Variants in WWOX observed in about 807,000 individuals in gnomAD.
WWOX encodes the protein WW domain-containing oxidoreductase.
Under a neutral mutation model 46.2 loss-of-function variants are expected in WWOX, and 69 were observed. The observed-to-expected ratio is 1.49, with a 90% CI of 1.23 to 1.82. WWOX has a LOEUF of 1.82. Among genes scored for constraint, WWOX ranks in the 40% most tolerant of loss-of-function variants. The pLI is 0.00. For missense variants in WWOX, 919 were observed against 542.6 expected, an observed-to-expected ratio of 1.69 and a Z score of -6.89; for synonymous variants, 359 against 202.6, an observed-to-expected ratio of 1.77 and a Z score of -6.56.
rs983084163 is a variant in WWOX at position 78,914,784 on chromosome 16, C to T, written c.1057-296824C>T. 1.0e-4 allele frequency among the ~76,000 whole-genome samples: 15 copies of T among 148,778 alleles called. No homozygotes were observed. In the East Asian group the frequency reaches 1.8e-3, roughly 18 times the overall value. On this transcript the variant is annotated intron_variant, in intron 8 of 8. Transcript: ENST00000566780. ...GTCCCAGCTACTCTGGAGGCTGAGG[C>T]AGGAGAATGGCGTGAACCCAGGAGG... is the stretch of plus-strand genomic sequence containing the variant.
At chr16:78,480,978 T>C (rs1555547150) in intron 8 of WWOX, among the ~76,000 whole-genome samples, 1 of 152,230 alleles carries the variant, frequency 6.6e-6, no homozygotes, top group Non-Finnish European at 1.5e-5. Flanking sequence ...GCAGGATTGG[T>C]ACTTCACCTA....
chr16:78,754,643 C>T (rs2049590155), intron 8 of WWOX, among the ~76,000 whole-genome samples: 1 of 152,126 alleles, frequency 6.6e-6, no homozygotes, highest in Non-Finnish European at 1.5e-5. Flanking sequence ...GGAAACTGGG[C>T]ATTTTAATTA....
chr16:78,755,406 T>G (rs549089279), intron 8 of WWOX, among the ~76,000 whole-genome samples: 2 of 152,144 alleles, frequency 1.3e-5, no homozygotes, highest in African/African-American at 4.8e-5. Context: ...GCTATTCCCC[T>G]GGACCATGAT....
chr16:78,967,393 C>A (rs1350523882), intron 8 of WWOX, among the ~76,000 whole-genome samples: 1 of 149,960 alleles, frequency 6.7e-6, no homozygotes, highest in African/African-American at 2.5e-5. Context: ...AAGCTTTCCA[C>A]CCACCTCAGC....
intron 8 of WWOX, among the ~76,000 whole-genome samples, chr16:78,657,082 A>G (rs1281823263): frequency 1.3e-5 from 2 of 152,112 alleles, no homozygotes; most frequent in African/African-American, 2.4e-5. Flanking sequence ...TGGTGCCATC[A>G]TTCATGCAAT....
At chr16:78,985,809 C>T (rs2046773657) in intron 8 of WWOX, among the ~76,000 whole-genome samples, 2 of 152,200 alleles carry the variant, frequency 1.3e-5, no homozygotes, top group African/African-American at 4.8e-5. Context: ...TTACCTGGAT[C>T]CTCACATTGC....
chr16:78,423,387 A>G (rs1033864471), intron 6 of WWOX, among the ~76,000 whole-genome samples: 3 of 152,258 alleles, frequency 2.0e-5, no homozygotes, highest in East Asian at 1.9e-4. Flanking sequence ...TAATTCCTCA[A>G]TGGTATATTT....
chr16:78,979,737 G>A (rs2046644790), intron 8 of WWOX, among the ~76,000 whole-genome samples: 1 of 152,306 alleles, frequency 6.6e-6, no homozygotes, highest in Admixed American at 6.5e-5. Context: ...AAGGTCCCCA[G>A]TGGTCCAGGT....
At chr16:78,452,661 A>C (rs62034098) in intron 8 of WWOX, among the ~76,000 whole-genome samples, 125 of 151,572 alleles carry the variant, frequency 8.2e-4, no homozygotes, top group Non-Finnish European at 1.4e-3. Flanking sequence ...TTTTTAATAG[A>C]GACTAGGTTT....
chr16:79,192,187 G>A (rs1182823464), intron 8 of WWOX, among the ~76,000 whole-genome samples: 1 of 152,214 alleles, frequency 6.6e-6, no homozygotes, highest in African/African-American at 2.4e-5. Flanking sequence ...CTCTAATAGG[G>A]AATGTGTGTA....
intron 5 of WWOX, among the ~76,000 whole-genome samples, chr16:78,384,083 TG>T (rs1341498836): frequency 6.6e-6 from 1 of 152,200 alleles, no homozygotes. Flanking sequence ...GGTCGCCATC[TG>T]GGAATGTTCT....
At chr16:78,502,871 G>C (rs556641271) in intron 8 of WWOX, among the ~76,000 whole-genome samples, 1 of 152,130 alleles carries the variant, frequency 6.6e-6, no homozygotes, top group African/African-American at 2.4e-5. Context: ...CTCCTCCTTA[G>C]GTGAAGAAGG....
intron 8 of WWOX, among the ~76,000 whole-genome samples, chr16:79,075,841 A>T (rs925388635): frequency 6.6e-6 from 1 of 152,176 alleles, no homozygotes; most frequent in East Asian, 1.9e-4. Flanking sequence ...CTTCCCTTAT[A>T]ACTATCTCAA....
intron 8 of WWOX, among the ~76,000 whole-genome samples, chr16:79,009,605 C>G (rs546060288): frequency 2.4e-4 from 36 of 152,150 alleles, no homozygotes; most frequent in Admixed American, 1.4e-3. Flanking sequence ...CACATGCCAC[C>G]ACACCTGACT....
chr16:78,119,818 A>G (rs1310419956), intron 4 of WWOX, among the ~76,000 whole-genome samples: 1 of 152,154 alleles, frequency 6.6e-6, no homozygotes, highest in Non-Finnish European at 1.5e-5. Flanking sequence ...CTTCTGTGGT[A>G]ATGATGATAA....
At chr16:78,132,720 C>T (rs566484584) in intron 4 of WWOX, among the ~76,000 whole-genome samples, 5 of 152,134 alleles carry the variant, frequency 3.3e-5, no homozygotes, top group African/African-American at 1.2e-4. Context: ...TAGTTGGCTT[C>T]TTTGCTTTGC....
intron 8 of WWOX, among the ~76,000 whole-genome samples, chr16:78,781,160 C>T (rs540564862): frequency 2.6e-5 from 4 of 152,296 alleles, no homozygotes; most frequent in African/African-American, 9.6e-5. Flanking sequence ...GACACATTCA[C>T]CACAACTGAA....
At chr16:78,425,829 C>T (rs9922736) in intron 7 of WWOX, among the ~76,000 whole-genome samples, 5,600 of 152,066 alleles carry the variant, frequency 0.037, 230 homozygotes, top group African/African-American at 0.1. Context: ...ACACTCTTAG[C>T]AAAGTAGCTA....
chr16:78,507,757 G>A (rs564137227), intron 8 of WWOX, among the ~76,000 whole-genome samples: 3 of 152,084 alleles, frequency 2.0e-5, no homozygotes, highest in Non-Finnish European at 2.9e-5. Flanking sequence ...TTACTGTGCC[G>A]TGTGCTGAGC....
Sources: allele counts gnomAD v4.1 joint callset (sites outside exome capture counted in the v4.1 genomes callset), GRCh38; gene constraint gnomAD v4.1.1; transcripts MANE v1.5; gene names NCBI Gene and HGNC (gene_info 2026-07-23, HGNC 2026-07-21).